The following SPTBN1 variants were observed in gnomAD, a reference collection of about 807,000 sequenced individuals.
SPTBN1 encodes the protein spectrin beta, non-erythrocytic 1.
Under a neutral mutation model 266.4 loss-of-function variants are expected in SPTBN1, and 32 were observed. The observed-to-expected ratio is 0.12, with a 90% CI of 0.09 to 0.16. The LOEUF (loss-of-function observed/expected upper bound fraction) is 0.16, where lower values mean the gene tolerates loss of function less well. Among genes scored for constraint, SPTBN1 ranks in the 10% least tolerant of loss-of-function variants. The probability of loss-of-function intolerance (pLI) is 1.00; values close to 1 mark genes in which losing one functional copy is unlikely to be tolerated. For synonymous variants in SPTBN1, 1,336 were observed against 1,162.2 expected, an observed-to-expected ratio of 1.15 and a Z score of -3.04; for missense variants, 2,296 against 3,067.1, an observed-to-expected ratio of 0.75 and a Z score of 5.94.
chr2:54,538,933 T>C (rs1176756747), intron 2 of SPTBN1, among the ~76,000 whole-genome samples: 1 of 152,168 alleles, frequency 6.6e-6, no homozygotes, highest in East Asian at 1.9e-4. Context: ...TCACTCTAAG[T>C]TTGCAGGAAA....
In SPTBN1 at chr2:54,629,700, A is replaced by G. The variant is rs1678605488; in HGVS notation, c.2566A>G (p.Ser856Gly). ...CACTCTGGCCCTGTACAAGATGTTCAGCGAGGCTGATGCCTGTGAGCTCTG... is the reference window on the plus strand; with the variant it reads ...CACTCTGGCCCTGTACAAGATGTTCGGCGAGGCTGATGCCTGTGAGCTCTG... Reference protein sequence around the residue: ...QDTLALYKMFSEADACELWID... With the variant: ...QDTLALYKMFGEADACELWID... Residue 856 changes from serine to glycine, a missense_variant, in exon 14 of 36, where the codon AGC (serine) becomes GGC (glycine). Coordinates refer to ENST00000356805, the MANE Select transcript of SPTBN1 (RefSeq NM_003128.3). 6.2e-7 allele frequency: 1 copy of G among 1,613,688 alleles called. No individual in the cohort carries two copies. The highest frequency in any genetic ancestry group is 2.2e-5 in the East Asian group (1 of 44,894).
In SPTBN1 at chr2:54,645,500, G is replaced by T; in HGVS notation, c.4494+47G>T. ...ACATGGCTTTTCCACGAGCCCCCTT[G>T]CCTGTGCTAAAGCCCACATTCTCAC... On this transcript the variant is annotated intron_variant, in intron 21 of 35. Coordinates refer to ENST00000356805, the MANE Select transcript of SPTBN1 (RefSeq NM_003128.3). The surrounding 1 kb of genome is among the most constrained non-coding windows in gnomAD (Gnocchi z 4.3). The T allele has an allele frequency of 5.0e-6, 8 of 1,589,480 alleles. No homozygotes were observed. The highest frequency in any genetic ancestry group is 6.0e-6 in the Non-Finnish European group (7 of 1,164,382).
chr2:54,472,101 C>T (rs1693959157), intron 1 of SPTBN1, among the ~76,000 whole-genome samples: 1 of 131,080 alleles, frequency 7.6e-6, no homozygotes, highest in Non-Finnish European at 1.5e-5. Context: ...GATCTTGGCT[C>T]ACTGCAAGCT....
intron 2 of SPTBN1, among the ~76,000 whole-genome samples, chr2:54,576,233 T>G (rs970758790): frequency 3.3e-5 from 5 of 151,944 alleles, no homozygotes; most frequent in Non-Finnish European, 4.4e-5. Flanking sequence ...GTTTGTATTT[T>G]AGTAGAGACA....
At chr2:54,461,835 C>G (rs1693384058) in intron 1 of SPTBN1, among the ~76,000 whole-genome samples, 1 of 152,112 alleles carries the variant, frequency 6.6e-6, no homozygotes, top group Non-Finnish European at 1.5e-5. Flanking sequence ...GCGACAATTA[C>G]TTCTCAGCTT....
chr2:54,458,992 A>G (rs1166197897), intron 1 of SPTBN1, among the ~76,000 whole-genome samples: 1 of 152,048 alleles, frequency 6.6e-6, no homozygotes, highest in Non-Finnish European at 1.5e-5. Flanking sequence ...AAAATATGAG[A>G]CTTTTTGTGC....
At position 54,478,247 on chromosome 2, in the gene SPTBN1, C is replaced by T. The variant is rs1031683924; in HGVS notation, c.-48+21729C>T. Among the ~76,000 whole-genome samples, 4 of 151,948 alleles carry T rather than the reference C, an allele frequency of 2.6e-5. No homozygotes were observed. The East Asian group carries it at 5.8e-4, about 22-fold the overall frequency. On this transcript the variant is annotated intron_variant, in intron 1 of 35. Coordinates refer to ENST00000356805, the MANE Select transcript of SPTBN1 (RefSeq NM_003128.3). ...AAGAGATTTCACTCTCTTATGAGAA[C>T]GCTCGTGTTTCATGCCCTCAGATGC...
intron 1 of SPTBN1, among the ~76,000 whole-genome samples, chr2:54,508,119 A>G (rs1260538300): frequency 6.6e-6 from 1 of 152,220 alleles, no homozygotes; most frequent in Non-Finnish European, 1.5e-5. Flanking sequence ...GGTGCCACTG[A>G]ATACCAACAG....
intron 2 of SPTBN1, among the ~76,000 whole-genome samples, chr2:54,541,017 A>G (rs776669455): frequency 6.6e-6 from 1 of 152,254 alleles, no homozygotes; most frequent in African/African-American, 2.4e-5. Flanking sequence ...TAATAACAAC[A>G]AAAACAATCT....
chr2:54,492,301 A>G (rs575764926), intron 1 of SPTBN1, among the ~76,000 whole-genome samples: 1 of 146,362 alleles, frequency 6.8e-6, no homozygotes, highest in Admixed American at 6.8e-5. Context: ...TTTCTAAAGT[A>G]GGTGTGCCCT....
chr2:54,468,544 T>C (rs1165039259), intron 1 of SPTBN1, among the ~76,000 whole-genome samples: 2 of 152,184 alleles, frequency 1.3e-5, no homozygotes, highest in Non-Finnish European at 2.9e-5. Flanking sequence ...GCATGTTGCA[T>C]GGCAAAACAT....
intron 2 of SPTBN1, among the ~76,000 whole-genome samples, chr2:54,590,683 C>T (rs1675615094): frequency 1.3e-5 from 2 of 152,102 alleles, no homozygotes; most frequent in Non-Finnish European, 2.9e-5. Flanking sequence ...ATGATAGAAG[C>T]AAAGATGGGA....
intron 2 of SPTBN1, among the ~76,000 whole-genome samples, chr2:54,566,280 C>T (rs868009819): frequency 4.0e-5 from 6 of 150,916 alleles, no homozygotes; most frequent in African/African-American, 1.2e-4. Flanking sequence ...CGTCCGCCTC[C>T]GGGTTCAAGC....
chr2:54,553,807 G>T (rs1284052582), intron 2 of SPTBN1, among the ~76,000 whole-genome samples: 1 of 152,180 alleles, frequency 6.6e-6, no homozygotes. Flanking sequence ...TGGATGTTCA[G>T]GAAATGAACA....
At position 54,636,893 on chromosome 2, in the gene SPTBN1, C is replaced by G. The variant is rs17046061; in HGVS notation, c.3768-820C>G. ...GGGTCCTCCCCTATTGGAAATGAAG[C>G]TCTCCGCTATTGTAGTGGAGCCACT... On this transcript the variant is annotated intron_variant, in intron 17 of 35. Coordinates refer to ENST00000356805, the MANE Select transcript of SPTBN1 (RefSeq NM_003128.3). Among the ~76,000 whole-genome samples, 372 of 152,248 alleles carry G rather than the reference C, an allele frequency of 2.4e-3. 3 individuals are homozygous for G. The highest frequency in any genetic ancestry group is 8.6e-3 in the African/African-American group (357 of 41,536).
chr2:54,544,435 T>G (rs1422085885), intron 2 of SPTBN1, among the ~76,000 whole-genome samples: 1 of 152,202 alleles, frequency 6.6e-6, no homozygotes, highest in African/African-American at 2.4e-5. Context: ...ATTTGTGATG[T>G]CAGAGTGGTT....
At chr2:54,584,058 A>C (rs530360886) in intron 2 of SPTBN1, among the ~76,000 whole-genome samples, 1 of 152,210 alleles carries the variant, frequency 6.6e-6, no homozygotes, top group Non-Finnish European at 1.5e-5. Context: ...AATAGTTTGG[A>C]AGATATCCTT....
chr2:54,592,389 T>G (rs1156342073), intron 2 of SPTBN1, among the ~76,000 whole-genome samples: 2 of 65,186 alleles, frequency 3.1e-5, no homozygotes, highest in African/African-American at 7.7e-4. Context: ...TTCTTTTTTC[T>G]TTTTTTTTAT....
intron 32 of SPTBN1, chr2:54,660,279 A>AT: frequency 3.9e-6 from 5 of 1,293,378 alleles, no homozygotes; most frequent in Non-Finnish European, 4.9e-6. Flanking sequence ...CAGCATACTT[A>AT]TTTTTTGTTT....
Sources: allele counts gnomAD v4.1 joint callset (sites outside exome capture counted in the v4.1 genomes callset), GRCh38; gene constraint gnomAD v4.1.1; non-coding constraint Gnocchi (gnomAD v3.1); transcripts MANE v1.5; gene names NCBI Gene and HGNC (gene_info 2026-07-23, HGNC 2026-07-21).